SHCBP1: variants seen among roughly 807,000 people sequenced by gnomAD.
SHCBP1 encodes the protein SHC SH2 domain-binding protein 1.
SHCBP1 carries 60 observed loss-of-function variants against 75.1 expected under a neutral mutation model. The observed-to-expected ratio is 0.80, with a 90% CI of 0.65 to 0.99. SHCBP1 has a LOEUF of 0.99. SHCBP1 is among the 50% of genes least tolerant of loss of function. SHCBP1 has a pLI of 0.00. For missense variants in SHCBP1, 709 were observed against 809.4 expected (o/e 0.88, Z 1.50); for synonymous variants, 290 against 293.2 (o/e 0.99, Z 0.11).
intron 7 of SHCBP1, 60 bp from the exon 8 acceptor site, chr16:46,603,719 T>C: frequency 4.4e-6 from 7 of 1,600,126 alleles, no homozygotes; most frequent in Non-Finnish European, 5.1e-6. Flanking sequence ...ATTTGAGTAT[T>C]ACTCTAGGTG....
Position 46,621,328 on chromosome 16 carries a change from A to C in SHCBP1, c.32T>G (p.Leu11Arg), listed in dbSNP as rs768274909. Reference sequence around the variant, plus strand: ...CTCCGGCGCCATGGCCGCTGCCTCCAGACCGCCGCCCGTCAGCGACCCGTC... The same window carrying C: ...CTCCGGCGCCATGGCCGCTGCCTCCCGACCGCCGCCCGTCAGCGACCCGTC... Reference protein sequence around the residue: MADGSLTGGGLEAAAMAPERM... With the variant: MADGSLTGGGREAAAMAPERM... The change falls in exon 1 of 13, where the codon CTG (leucine) becomes CGG (arginine). Residue 11 changes from leucine to arginine, a missense_variant. Leu to Arg is a moderately radical substitution (Grantham distance 102). Transcript: ENST00000303383. The C allele has an allele frequency of 1.2e-5, 20 of 1,611,336 alleles. No individual in the cohort carries two copies. The African/African-American group carries it at 2.4e-4, about 19-fold the overall frequency.
rs181162660 is a variant in SHCBP1 at position 46,603,671 on chromosome 16, T to C, written c.1093-12A>G. 1.1e-5 allele frequency: 18 copies of C among 1,613,890 alleles called. No homozygotes were observed. In the East Asian group the frequency reaches 4.0e-4, roughly 36 times the overall value. On this transcript the variant is annotated splice_polypyrimidine_tract_variant and intron_variant, in intron 7 of 12. Transcript: ENST00000303383. ...GGATCACTATGGAACTAGAAAACAATAAGAACACATTTGTAAATATACACT... is the reference window on the plus strand; with the variant it reads ...GGATCACTATGGAACTAGAAAACAACAAGAACACATTTGTAAATATACACT...
chr16:46,609,410 A>C (rs1460636881), intron 4 of SHCBP1, among the ~76,000 whole-genome samples: 1 of 150,762 alleles, frequency 6.6e-6, no homozygotes, highest in Non-Finnish European at 1.5e-5. Context: ...GGGAAGGTGC[A>C]AGGGAATCAT....
chr16:46,581,439 TAA>T lies in SHCBP1; in HGVS notation c.*288_*289del, dbSNP rs1334489915. On this transcript the variant is annotated 3_prime_UTR_variant, in exon 13 of 13. Transcript: ENST00000303383. Reference sequence around the variant, plus strand: ...TTTGAAGTGCTAAAGGTAATTACACTAAAAAGTTACTACCAGGCTTAATATGA... The same window carrying T: ...TTTGAAGTGCTAAAGGTAATTACACTAAAGTTACTACCAGGCTTAATATGA... 2.9e-6 allele frequency: 1 copy of T among 343,072 alleles called. No homozygotes were observed. Among genetic ancestry groups the T allele is most frequent in the East Asian group, 6.4e-5 (1 of 15,516 alleles). 21.3% of individuals were successfully genotyped at this position (343,072 alleles called of 1,614,324 possible). A position where few individuals can be genotyped will look rare whatever the true frequency, so the allele number is the denominator to read the frequency against.
chr16:46,583,622 T>G lies in SHCBP1; in HGVS notation c.1587A>C (p.Ile529=), dbSNP rs775514123. 4.4e-6 allele frequency: 7 copies of G among 1,606,734 alleles called. No individual in the cohort carries two copies. The highest frequency in any genetic ancestry group is 1.7e-5 in the Admixed American group (1 of 57,750). ...FLDEHYDIPK[I]SMVNNIIHNN... is the part of the protein sequence containing the mutation. Reference sequence around the variant, plus strand: ...TATGTATTATATTATTCACCATGGATATCTTGGGAATGTCATAATGTTCAT... The same window carrying G: ...TATGTATTATATTATTCACCATGGAGATCTTGGGAATGTCATAATGTTCAT... Residue 529 remains isoleucine, a synonymous_variant, in exon 12 of 13, where the codon ATA becomes ATC. Transcript: ENST00000303383.
intron 5 of SHCBP1, among the ~76,000 whole-genome samples, chr16:46,607,621 A>AT (rs1003211421): frequency 6.6e-6 from 1 of 152,110 alleles, no homozygotes; most frequent in African/African-American, 2.4e-5. Context: ...TTCTACAATT[A>AT]TTTTTTTGGA....
At chr16:46,603,717 A>T in intron 7 of SHCBP1, 58 bp from the exon 8 acceptor site, 1 of 1,602,654 alleles carries the variant, frequency 6.2e-7, no homozygotes, top group Admixed American at 1.7e-5. Context: ...TAATTTGAGT[A>T]TTACTCTAGG....
intron 9 of SHCBP1, 38 bp from the exon 10 acceptor site, chr16:46,595,708 A>G (rs778570927): frequency 6.6e-7 from 1 of 1,509,526 alleles, no homozygotes; most frequent in Non-Finnish European, 9.2e-7. Context: ...TTAAGAAGTA[A>G]TGTGCCTTTT....
At chr16:46,596,200 T>C (rs1965138107) in intron 9 of SHCBP1, among the ~76,000 whole-genome samples, 1 of 152,078 alleles carries the variant, frequency 6.6e-6, no homozygotes, top group African/African-American at 2.4e-5. Context: ...CATCACACTA[T>C]GTACATAAAA....
In SHCBP1 at chr16:46,604,333, G is replaced by A; in HGVS notation, c.818C>T (p.Ser273Phe). The change falls in exon 6 of 13, where the codon TCT becomes TTT. Residue 273 changes from serine (S) to phenylalanine (F), a missense_variant. By Grantham distance (155) the Ser-to-Phe change is radical. Transcript: ENST00000303383. ...GGAGATATTTTCCTGCTCGGAATCA[G>A]AGTTACAATTTGACAAACTGCTTCT... Reference protein sequence around the residue: ...NLRSSLSNCNSDSEQENISMV... With the variant: ...NLRSSLSNCNFDSEQENISMV... The A allele has an allele frequency of 6.2e-7, 1 of 1,614,144 alleles. No individual in the cohort carries two copies. Among genetic ancestry groups the A allele is most frequent in the East Asian group, 2.2e-5 (1 of 44,878 alleles).
intron 10 of SHCBP1, among the ~76,000 whole-genome samples, chr16:46,586,226 A>C (rs1200873087): frequency 1.3e-5 from 2 of 152,224 alleles, no homozygotes; most frequent in Non-Finnish European, 2.9e-5. Context: ...AATTATGAAC[A>C]CACATAAAAC....
Position 46,595,677 on chromosome 16 carries a change from T to G in SHCBP1, c.1346-7A>C. On this transcript the variant is annotated splice_region_variant and splice_polypyrimidine_tract_variant and intron_variant, in intron 9 of 12. Transcript: ENST00000303383. Reference sequence around the variant, plus strand: ...GTCTTACCACGGTGAACAACTGGGATGAAAATACACGCTGACTGTTTTAAG... The same window carrying G: ...GTCTTACCACGGTGAACAACTGGGAGGAAAATACACGCTGACTGTTTTAAG... 1.2e-6 allele frequency: 2 copies of G among 1,602,652 alleles called. No homozygotes were observed. The highest frequency in any genetic ancestry group is 1.7e-6 in the Non-Finnish European group (2 of 1,169,844).
At chr16:46,598,309 G>A (rs1254485975) in intron 9 of SHCBP1, among the ~76,000 whole-genome samples, 1 of 152,182 alleles carries the variant, frequency 6.6e-6, no homozygotes, top group Admixed American at 6.5e-5. Context: ...TTCTCAAATA[G>A]TAAGATTTGA....
intron 4 of SHCBP1, among the ~76,000 whole-genome samples, chr16:46,611,655 T>C (rs537508685): frequency 6.6e-6 from 1 of 152,364 alleles, no homozygotes; most frequent in East Asian, 1.9e-4. Context: ...AAATATGCTG[T>C]AGAAACTTTA....
rs769874421 is a variant in SHCBP1, at chr16:46,603,655, T to C, written c.1097A>G (p.His366Arg). ...PGEEEREIQF[H>R]SDPLSAINAC... ...ATTTATAGCAGACAATGGATCACTATGGAACTAGAAAACAATAAGAACACA... is the reference window on the plus strand; with the variant it reads ...ATTTATAGCAGACAATGGATCACTACGGAACTAGAAAACAATAAGAACACA... Residue 366 changes from histidine (H) to arginine (R), a missense_variant, in exon 8 of 13, where the codon CAT becomes CGT. Physicochemically the swap from His to Arg is conservative, Grantham distance 29 (BLOSUM62 0). Coordinates refer to ENST00000303383, the MANE Select transcript of SHCBP1 (RefSeq NM_024745.5). 1 of 1,614,136 alleles carries C rather than the reference T, an allele frequency of 6.2e-7. No homozygotes were observed. Among genetic ancestry groups the C allele is most frequent in the Non-Finnish European group, 8.5e-7 (1 of 1,180,018 alleles).
intron 10 of SHCBP1, among the ~76,000 whole-genome samples, chr16:46,590,231 G>A (rs1965022199): frequency 6.6e-6 from 1 of 152,112 alleles, no homozygotes; most frequent in African/African-American, 2.4e-5. Flanking sequence ...GAAAATCTAG[G>A]CAATACCATT....
rs1965297594 is a variant in SHCBP1 at position 46,604,594 on chromosome 16, C to T, written c.690-133G>A. The T allele has an allele frequency of 4.8e-6, 3 of 622,384 alleles. No individual in the cohort carries two copies. The South Asian group carries it at 6.1e-5, about 13-fold the overall frequency. 38.6% of individuals were successfully genotyped at this position (622,384 alleles called of 1,614,324 possible). On this transcript the variant is annotated intron_variant, in intron 5 of 12. Coordinates refer to ENST00000303383, the MANE Select transcript of SHCBP1 (RefSeq NM_024745.5). ...TAACTCAGGTGCATGTTAAGTCTTT[C>T]TGAATAGCACTGTAATAATAATAAT...
intron 4 of SHCBP1, among the ~76,000 whole-genome samples, chr16:46,610,544 A>ACTTTTTTTTTTTTT (rs573584107): frequency 3.2e-5 from 1 of 31,088 alleles, no homozygotes; most frequent in Non-Finnish European, 5.7e-5. Flanking sequence ...CATGGGGTCA[A>ACTTTTTTTTTTTTT]TTTTTTTTTT....
chr16:46,617,023 T>C (rs1415386494), intron 3 of SHCBP1, among the ~76,000 whole-genome samples: 1 of 152,230 alleles, frequency 6.6e-6, no homozygotes, highest in East Asian at 1.9e-4. Flanking sequence ...TAGGGCTTTT[T>C]GTGGTCAGTT....
Sources: allele counts gnomAD v4.1 joint callset (sites outside exome capture counted in the v4.1 genomes callset), GRCh38; gene constraint gnomAD v4.1.1; transcripts MANE v1.5; gene names NCBI Gene and HGNC (gene_info 2026-07-23, HGNC 2026-07-21).